The following DMXL1 variants were observed in gnomAD, a reference collection of about 807,000 sequenced individuals.
DMXL1 encodes the protein dmX-like protein 1.
A neutral mutation model predicts 319.2 loss-of-function variants in DMXL1; 99 were observed. The observed-to-expected ratio is 0.31, with a 90% CI of 0.26 to 0.37. The LOEUF (loss-of-function observed/expected upper bound fraction) is 0.37, where lower values mean the gene tolerates loss of function less well. Ranked by LOEUF, DMXL1 falls within the 10% of genes least tolerant of loss-of-function variation. DMXL1 has a pLI of 1.00. For synonymous variants in DMXL1, 1,385 were observed against 1,235.2 expected (o/e 1.12, Z -2.54); for missense variants, 3,745 against 3,595.6 (o/e 1.04, Z -1.06).
Position 119,221,065 on chromosome 5 carries a change from G to T in DMXL1, c.8261G>T (p.Gly2754Val). ...CCATGGCTTGGTAGTACACAGACTG[G>T]CAGAGGAGCATCTGTGGTATGTAAA... ...NMPWLGSTQT[G>V]RGASVMIKKA... The change falls in exon 37 of 44, where the codon GGC becomes GTC. Residue 2754 changes from glycine (G) to valine (V), a missense_variant. Physicochemically the swap from Gly to Val is moderately radical, Grantham distance 109 (BLOSUM62 -3). This residue lies in a region of DMXL1 where 1,382 missense variants were observed against 1,269.5 expected (regional missense o/e 1.09). Transcript: ENST00000539542. 1 of 1,611,188 alleles carries T rather than the reference G, an allele frequency of 6.2e-7. No homozygotes were observed. The highest frequency in any genetic ancestry group is 8.5e-7 in the Non-Finnish European group (1 of 1,178,638).
intron 8 of DMXL1, among the ~76,000 whole-genome samples, chr5:119,120,322 CA>C (rs1490007529): frequency 6.6e-6 from 1 of 152,174 alleles, no homozygotes; most frequent in African/African-American, 2.4e-5. Flanking sequence ...TGTATTGATT[CA>C]ACAACGAATA....
chr5:119,077,700 G>T (rs1197923860), intron 1 of DMXL1, among the ~76,000 whole-genome samples: 1 of 133,124 alleles, frequency 7.5e-6, no homozygotes, highest in African/African-American at 2.9e-5. Flanking sequence ...GTGTGTATGT[G>T]TATATATACA....
intron 1 of DMXL1, 49 bp downstream of exon 1, chr5:119,071,705 C>T (rs1207758959): frequency 1.3e-6 from 2 of 1,486,234 alleles, no homozygotes; most frequent in African/African-American, 1.4e-5. Context: ...CTTTGCCCGT[C>T]ATTCTGGGCC....
intron 1 of DMXL1, among the ~76,000 whole-genome samples, chr5:119,087,165 A>G (rs993249654): frequency 1.3e-5 from 2 of 148,620 alleles, no homozygotes; most frequent in Non-Finnish European, 3.0e-5. Flanking sequence ...TCTCTATTTC[A>G]TTTATTTATG....
chr5:119,198,190 T>C (rs902739315), intron 32 of DMXL1, among the ~76,000 whole-genome samples: 2 of 152,176 alleles, frequency 1.3e-5, no homozygotes, highest in African/African-American at 4.8e-5. Flanking sequence ...GGTTTCACCA[T>C]GTTGGCCAGG....
chr5:119,197,996 G>T (rs1369885740), intron 32 of DMXL1, 40 bp downstream of exon 32: 1 of 1,601,636 alleles, frequency 6.2e-7, no homozygotes, highest in African/African-American at 1.3e-5. Flanking sequence ...TTTTTTGTTT[G>T]TTTGTTTTTT....
chr5:119,128,183 C>T (rs1027376301), intron 9 of DMXL1: 19 of 459,584 alleles, frequency 4.1e-5, no homozygotes, highest in Admixed American at 1.3e-4. Context: ...TCCACCTGCA[C>T]GGTCTTTTTA....
intron 13 of DMXL1, among the ~76,000 whole-genome samples, chr5:119,140,490 C>T (rs1767059569): frequency 6.6e-6 from 1 of 152,110 alleles, no homozygotes; most frequent in African/African-American, 2.4e-5. Flanking sequence ...CCTCTGTGCA[C>T]ACAGACTACA....
At chr5:119,213,389 G>A (rs1232563361) in intron 34 of DMXL1, among the ~76,000 whole-genome samples, 1 of 152,100 alleles carries the variant, frequency 6.6e-6, no homozygotes, top group Non-Finnish European at 1.5e-5. Context: ...GTTCTTATCT[G>A]CTTTCACCTA....
At chr5:119,197,687 G>C in intron 31 of DMXL1, 68 bp from the exon 32 acceptor site, 1 of 1,403,758 alleles carries the variant, frequency 7.1e-7, no homozygotes, top group Non-Finnish European at 1.0e-6. Flanking sequence ...TCTCATTTCA[G>C]TCTTTCTTAA....
At chr5:119,241,738 G>A (rs1214150802) in intron 42 of DMXL1, among the ~76,000 whole-genome samples, 1 of 152,054 alleles carries the variant, frequency 6.6e-6, no homozygotes, top group East Asian at 1.9e-4. Flanking sequence ...TTACACTGTT[G>A]CACTAAATAC....
chr5:119,198,036 T>C (rs1779970609), intron 32 of DMXL1, 80 bp downstream of exon 32: 2 of 1,328,728 alleles, frequency 1.5e-6, no homozygotes, highest in Non-Finnish European at 2.1e-6. Flanking sequence ...TCATCCGGGC[T>C]GGAGTGCAGT....
At chr5:119,201,989 G>C (rs1020391760) in intron 32 of DMXL1, among the ~76,000 whole-genome samples, 3 of 151,992 alleles carry the variant, frequency 2.0e-5, no homozygotes, top group Admixed American at 6.6e-5. Flanking sequence ...CTGGCAGTCT[G>C]TCTGTCTTAC....
chr5:119,196,516 T>G (rs1023344904), intron 31 of DMXL1, 60 bp downstream of exon 31: 107 of 266,202 alleles, frequency 4.0e-4, no homozygotes, highest in African/African-American at 2.9e-3. Flanking sequence ...TACTCTGTTG[T>G]TTTTTTTTTT....
rs764958184 is a variant in DMXL1 at position 119,177,450 on chromosome 5, A to G, written c.6852A>G (p.Ala2284=). The stretch of plus-strand genomic sequence containing the variant: ...TGAAAACAGGAAGCTTAGATGAAGC[A>G]TTAACTCCCAATACGTCACCAGCTC... ...PSLKTGSLDE[A]LTPNTSPAQW... is the part of the protein sequence containing the mutation. Residue 2284 remains alanine (A), a synonymous_variant, in exon 27 of 44, where the codon GCA becomes GCG. Transcript: ENST00000539542. 2.5e-6 allele frequency: 4 copies of G among 1,609,934 alleles called. No homozygotes were observed. Among genetic ancestry groups the G allele is most frequent in the Non-Finnish European group, 1.7e-6 (2 of 1,177,562 alleles).
At chr5:119,179,745 C>A (rs1776464774) in intron 28 of DMXL1, among the ~76,000 whole-genome samples, 1 of 152,176 alleles carries the variant, frequency 6.6e-6, no homozygotes, top group African/African-American at 2.4e-5. Flanking sequence ...GCTTCTACTT[C>A]CTCTCCTTAA....
chr5:119,122,241 G>A (rs1427323782), intron 9 of DMXL1, among the ~76,000 whole-genome samples: 6 of 143,456 alleles, frequency 4.2e-5, no homozygotes, highest in South Asian at 2.2e-4. Context: ...CCTCCCGGAC[G>A]GGGCGGCTGG....
chr5:119,170,216 A>T lies in DMXL1; in HGVS notation c.5425A>T (p.Thr1809Ser). 1 of 1,603,480 alleles carries T rather than the reference A, an allele frequency of 6.2e-7. No homozygotes were observed. Among genetic ancestry groups the T allele is most frequent in the South Asian group, 1.1e-5 (1 of 88,000 alleles). Reference protein sequence around the residue: ...DDQVLSASNPTVFNFYNYLRT... With the variant: ...DDQVLSASNPSVFNFYNYLRT... ...TCAAGTTTTATCAGCCAGTAATCCT[A>T]CAGTTTTTAATTTCTACAATTATCT... Residue 1809 changes from threonine (T) to serine (S), a missense_variant, in exon 24 of 44, where the codon ACA becomes TCA. Physicochemically the swap from Thr to Ser is moderately conservative, Grantham distance 58. Coordinates refer to ENST00000539542, the MANE Select transcript of DMXL1 (RefSeq NM_001290321.3).
chr5:119,239,095 C>G lies in DMXL1; in HGVS notation c.8651+15C>G. On this transcript the variant is annotated intron_variant, in intron 41 of 43. Transcript: ENST00000539542. ...ACTGACAATAGGTAAGAGATGATAG[C>G]TAAAATTGAAGTATGAGAAAGTATA... The G allele has an allele frequency of 6.2e-7, 1 of 1,612,480 alleles. No individual in the cohort carries two copies. Among genetic ancestry groups the G allele is most frequent in the South Asian group, 1.1e-5 (1 of 91,034 alleles).
Sources: allele counts gnomAD v4.1 joint callset (sites outside exome capture counted in the v4.1 genomes callset), GRCh38; gene constraint gnomAD v4.1.1; regional missense constraint gnomAD v4.1.1; transcripts MANE v1.5; gene names NCBI Gene and HGNC (gene_info 2026-07-23, HGNC 2026-07-21).